TBC1D32: variants seen among roughly 807,000 people sequenced by gnomAD.
The protein encoded by TBC1D32 is TBC1 domain family member 32.
In TBC1D32, 151 loss-of-function variants were observed where a neutral mutation model predicts 170.3. That is an observed-to-expected ratio of 0.89 (90% CI 0.78 to 1.01). The LOEUF (loss-of-function observed/expected upper bound fraction) is 1.01. Ranked by LOEUF, TBC1D32 falls within the 50% of genes least tolerant of loss-of-function variation. The pLI is 0.00. For synonymous variants in TBC1D32, 498 were observed against 488.0 expected (o/e 1.02, Z -0.27); for missense variants, 1,464 against 1,457.1 (o/e 1.00, Z -0.08).
intron 17 of TBC1D32, among the ~76,000 whole-genome samples, chr6:121,253,592 G>A (rs935765940): frequency 1.3e-5 from 2 of 152,048 alleles, no homozygotes; most frequent in African/African-American, 2.4e-5. Flanking sequence ...GGTGGTGGGC[G>A]CCTGTAGTCC....
At chr6:121,307,139 C>T (rs1807439535) in intron 5 of TBC1D32, among the ~76,000 whole-genome samples, 1 of 151,934 alleles carries the variant, frequency 6.6e-6, no homozygotes, top group Non-Finnish European at 1.5e-5. Context: ...CTTTGGGAGG[C>T]TGAGGCTGGA....
In TBC1D32 at chr6:121,310,094, ATAGT is replaced by A. The variant is rs143876325; in HGVS notation, c.564+681_564+684del. ...AAACAAATGGGTCAAAATTGCTCAG[ATAGT>A]TAGGGAAGGCATGGGTAACTGCTGG... is the stretch of plus-strand genomic sequence containing the variant. On this transcript the variant is annotated intron_variant, in intron 4 of 31. Coordinates refer to ENST00000398212, the MANE Select transcript of TBC1D32 (RefSeq NM_152730.6). 8.8e-3 allele frequency among the ~76,000 whole-genome samples: 1,340 copies of A among 152,080 alleles called. 22 individuals carry two copies. The highest frequency in any genetic ancestry group is 0.031 in the African/African-American group (1,266 of 41,506).
chr6:121,315,683 T>C (rs529835794), intron 3 of TBC1D32, among the ~76,000 whole-genome samples: 1 of 152,306 alleles, frequency 6.6e-6, no homozygotes, highest in East Asian at 1.9e-4. Context: ...AACAACAATT[T>C]TGAAGGCATG....
intron 15 of TBC1D32, among the ~76,000 whole-genome samples, chr6:121,261,693 T>G (rs1431874930): frequency 6.6e-6 from 1 of 152,184 alleles, no homozygotes; most frequent in Non-Finnish European, 1.5e-5. Context: ...AAAAAAATGC[T>G]GAAAACCCAA....
At chr6:121,128,143 T>C (rs777793186) in intron 25 of TBC1D32, among the ~76,000 whole-genome samples, 6 of 152,190 alleles carry the variant, frequency 3.9e-5, no homozygotes, top group South Asian at 2.1e-4. Context: ...AAATTCTATA[T>C]TGCATAGGTA....
At chr6:121,106,523 A>G (rs1304482741) in intron 29 of TBC1D32, among the ~76,000 whole-genome samples, 3 of 152,054 alleles carry the variant, frequency 2.0e-5, no homozygotes, top group African/African-American at 7.2e-5. Flanking sequence ...TTACATTTTA[A>G]TACTAAGTGT....
chr6:121,213,677 G>A (rs1020801505), intron 21 of TBC1D32, among the ~76,000 whole-genome samples: 12 of 152,214 alleles, frequency 7.9e-5, no homozygotes, highest in Admixed American at 7.9e-4. Flanking sequence ...CACATTCGAT[G>A]CTTATGGATA....
chr6:121,142,849 A>C (rs945898918), intron 24 of TBC1D32, among the ~76,000 whole-genome samples: 7 of 152,158 alleles, frequency 4.6e-5, no homozygotes, highest in Non-Finnish European at 1.0e-4. Flanking sequence ...AAGAAATTAA[A>C]TTACTATTTT....
At chr6:121,245,714 CA>C (rs1388731082) in intron 17 of TBC1D32, among the ~76,000 whole-genome samples, 1 of 152,062 alleles carries the variant, frequency 6.6e-6, no homozygotes, top group Non-Finnish European at 1.5e-5. Flanking sequence ...ACTTCAGCCC[CA>C]CGGGAGGAGC....
At chr6:121,297,532 G>C (rs1276972191) in intron 10 of TBC1D32, among the ~76,000 whole-genome samples, 2 of 151,984 alleles carry the variant, frequency 1.3e-5, no homozygotes, top group Middle Eastern at 3.4e-3. Context: ...AAAAATTAAA[G>C]GTTAAATATT....
Position 121,115,259 on chromosome 6 carries a change from C to A in TBC1D32, c.2984-18G>T. The stretch of plus-strand genomic sequence containing the variant: ...ATCAGTAGCTAAAGACAACAGAAAA[C>A]TGAGTTATAAAGTGCAGAAAAGTTT... On this transcript the variant is annotated intron_variant, in intron 26 of 31. Transcript: ENST00000398212. 6.4e-7 allele frequency: 1 copy of A among 1,572,532 alleles called. No individual in the cohort carries two copies. Among genetic ancestry groups the A allele is most frequent in the South Asian group, 1.2e-5 (1 of 84,098 alleles).
At chr6:121,212,040 C>T (rs907831640) in intron 21 of TBC1D32, among the ~76,000 whole-genome samples, 6 of 151,388 alleles carry the variant, frequency 4.0e-5, no homozygotes, top group African/African-American at 7.3e-5. Context: ...ACAAAAGGGA[C>T]GTAGTTACTG....
At chr6:121,171,719 A>AT (rs1241138230) in intron 22 of TBC1D32, among the ~76,000 whole-genome samples, 5 of 152,288 alleles carry the variant, frequency 3.3e-5, no homozygotes, top group Admixed American at 3.3e-4. Context: ...ATTAATAAAG[A>AT]TGAGTGGTGG....
At chr6:121,291,125 T>G (rs1051855542) in intron 12 of TBC1D32, among the ~76,000 whole-genome samples, 6 of 151,594 alleles carry the variant, frequency 4.0e-5, no homozygotes, top group African/African-American at 1.2e-4. Context: ...GTTGTGCACA[T>G]GTACCCTAAA....
chr6:121,189,039 G>A (rs959964116), intron 22 of TBC1D32, among the ~76,000 whole-genome samples: 14 of 151,920 alleles, frequency 9.2e-5, no homozygotes, highest in African/African-American at 2.2e-4. Context: ...TAACAAAACC[G>A]AATTAATATG....
chr6:121,169,232 T>C (rs1056694309), intron 22 of TBC1D32, among the ~76,000 whole-genome samples: 2 of 151,990 alleles, frequency 1.3e-5, no homozygotes, highest in Non-Finnish European at 2.9e-5. Flanking sequence ...CATAGACCAA[T>C]GGAACAGAAT....
At chr6:121,280,945 G>A (rs1222408875) in intron 14 of TBC1D32, among the ~76,000 whole-genome samples, 1 of 151,846 alleles carries the variant, frequency 6.6e-6, no homozygotes, top group Non-Finnish European at 1.5e-5. Context: ...GGGAGGTACT[G>A]AACAGACACC....
intron 17 of TBC1D32, among the ~76,000 whole-genome samples, chr6:121,243,967 C>T (rs539262886): frequency 1.3e-5 from 2 of 152,076 alleles, no homozygotes; most frequent in African/African-American, 4.8e-5. Context: ...CATTCTCAAA[C>T]CCCTTCCACT....
intron 31 of TBC1D32, among the ~76,000 whole-genome samples, chr6:121,083,770 G>C (rs1426500445): frequency 6.6e-6 from 1 of 152,040 alleles, no homozygotes; most frequent in Non-Finnish European, 1.5e-5. Flanking sequence ...ATGAACTTGG[G>C]TAAGTTTATT....
Sources: gnomAD v4.1 joint callset for allele counts (sites outside exome capture counted in the v4.1 genomes callset) on GRCh38, gnomAD v4.1.1 for gene constraint, MANE v1.5 for transcripts, NCBI Gene and HGNC (gene_info 2026-07-23, HGNC 2026-07-21) for gene names.